The following LRRC56 variants were observed in gnomAD, a reference collection of about 807,000 sequenced individuals.
LRRC56 encodes leucine rich repeat containing 56.
In LRRC56, 41 loss-of-function variants were observed where a neutral mutation model predicts 47.8. The ratio of observed to expected loss-of-function variants is 0.86; its 90% CI spans 0.67 to 1.11. The LOEUF is 1.11. LRRC56 is among the 50% of genes most tolerant of loss of function. The probability of loss-of-function intolerance (pLI) is 0.00; values close to 1 mark genes in which losing one functional copy is unlikely to be tolerated. For synonymous variants in LRRC56, 387 were observed against 311.2 expected (o/e 1.24, Z -2.56); for missense variants, 759 against 704.2 (o/e 1.08, Z -0.88).
upstream of LRRC56, among the ~76,000 whole-genome samples, chr11:535,782 G>C (rs941938778): frequency 7.2e-5 from 11 of 152,220 alleles, no homozygotes; most frequent in African/African-American, 1.4e-4. Context: ...CCGGAGCCGA[G>C]CTCGGGGTTG....
At chr11:533,641 C>CGG (rs1564789221), upstream of LRRC56, 2 of 1,613,432 alleles carry the variant, frequency 1.2e-6, no homozygotes, top group Middle Eastern at 3.3e-4. Flanking sequence ...GAGCTGGCTA[C>CGG]GGGGGCTGCA....
At chr11:518,705 T>G in the LRRC56 span, among the ~76,000 whole-genome samples, 2 of 151,932 alleles carry the variant, frequency 1.3e-5, no homozygotes, top group African/African-American at 4.8e-5. Flanking sequence ...CACCAGCAGG[T>G]GGGGCAGGAA....
upstream of LRRC56, chr11:533,819 C>T (rs767586105): frequency 3.7e-6 from 6 of 1,613,288 alleles, no homozygotes; most frequent in Non-Finnish European, 4.2e-6. Flanking sequence ...CAAACACACA[C>T]AGGAAGCCCT....
upstream of LRRC56, among the ~76,000 whole-genome samples, chr11:536,519 C>T (rs1851501240): frequency 1.3e-5 from 2 of 152,202 alleles, no homozygotes; most frequent in African/African-American, 4.8e-5. Flanking sequence ...CCTATAATCC[C>T]AGCACTTCGG....
the LRRC56 span, among the ~76,000 whole-genome samples, chr11:514,361 A>G: frequency 6.6e-6 from 1 of 151,472 alleles, no homozygotes; most frequent in Non-Finnish European, 1.5e-5. Flanking sequence ...ATCTCGGCTC[A>G]CGGCAACCTC....
At chr11:540,992 C>T in intron 4 of LRRC56, 131 bp downstream of exon 4, 1 of 798,440 alleles carries the variant, frequency 1.3e-6, no homozygotes, top group Non-Finnish European at 1.9e-6. Flanking sequence ...TGGTTGGCCT[C>T]AGCCCAGCCC....
the LRRC56 span, among the ~76,000 whole-genome samples, chr11:515,074 C>T: frequency 1.3e-5 from 2 of 152,184 alleles, no homozygotes; most frequent in African/African-American, 4.8e-5. Context: ...ATTGATTTTC[C>T]TCTTCTTACT....
intron 5 of LRRC56, among the ~76,000 whole-genome samples, chr11:543,183 A>T (rs1277570951): frequency 7.0e-6 from 1 of 142,930 alleles, no homozygotes; most frequent in African/African-American, 2.7e-5. Flanking sequence ...TACAGGGATG[A>T]GCCACCGCGC....
chr11:546,009 G>A (rs1384595788), intron 6 of LRRC56, among the ~76,000 whole-genome samples: 5 of 152,152 alleles, frequency 3.3e-5, no homozygotes, highest in East Asian at 1.9e-4. Flanking sequence ...GGTGTCTCAC[G>A]CCTATAATCC....
At chr11:532,013 C>T in the LRRC56 span, among the ~76,000 whole-genome samples, 697 of 152,342 alleles carry the variant, frequency 4.6e-3, 3 homozygotes, top group African/African-American at 0.013. Context: ...GCACAGTAAG[C>T]TCTCTGTCCT....
In LRRC56 at chr11:552,231, C is replaced by T. The variant is rs778415386; in HGVS notation, c.1180C>T (p.Arg394Cys). Residue 394 changes from arginine (R) to cysteine (C), a missense_variant and splice_region_variant, in exon 12 of 14, where the codon CGC becomes TGC. By Grantham distance (180) the Arg-to-Cys change is radical. Transcript: ENST00000270115. ...GLRAWREHGV[R>C]PLPYRHPESQ... ...CAGGGCCTGGAGGGAACATGGCGTG[C>T]GGTGGGTGTCCCTCCAGCTCTTCCA... The T allele has an allele frequency of 6.2e-6, 10 of 1,607,668 alleles. No homozygotes were observed. Among genetic ancestry groups the T allele is most frequent in the Middle Eastern group, 1.7e-4 (1 of 6,036 alleles).
At chr11:511,517 G>T in the LRRC56 span, among the ~76,000 whole-genome samples, 1 of 152,130 alleles carries the variant, frequency 6.6e-6, no homozygotes, top group Admixed American at 6.6e-5. Flanking sequence ...TCTGATTCAC[G>T]GGCTAAGCTC....
At chr11:550,867 TC>T (rs1852347169) in intron 8 of LRRC56, among the ~76,000 whole-genome samples, 1 of 152,088 alleles carries the variant, frequency 6.6e-6, no homozygotes, top group Non-Finnish European at 1.5e-5. Flanking sequence ...TGAGGGCAGT[TC>T]CATGGGCCAG....
chr11:536,082 G>A (rs1467597273), upstream of LRRC56, among the ~76,000 whole-genome samples: 1 of 152,224 alleles, frequency 6.6e-6, no homozygotes, highest in Non-Finnish European at 1.5e-5. Flanking sequence ...AGGTGGAGCG[G>A]CCGCGCACCC....
chr11:551,103 C>T (rs747791937), intron 8 of LRRC56, 28 bp from the exon 9 acceptor site: 11 of 1,307,386 alleles, frequency 8.4e-6, no homozygotes, highest in Admixed American at 5.3e-5. Flanking sequence ...CAGACCTGCC[C>T]TCCCTCCCCC....
At chr11:522,456 C>T in the LRRC56 span, among the ~76,000 whole-genome samples, 17 of 152,100 alleles carry the variant, frequency 1.1e-4, no homozygotes, top group African/African-American at 3.4e-4. Context: ...TTAGTTGAGA[C>T]GGGGTTTCAC....
chr11:513,165 G>T, the LRRC56 span, among the ~76,000 whole-genome samples: 1 of 152,238 alleles, frequency 6.6e-6, no homozygotes, highest in Non-Finnish European at 1.5e-5. Flanking sequence ...TTTCGAGACA[G>T]TCTCGCTCTG....
rs563291274 is a variant in LRRC56, at chr11:554,681, C to T, written c.*405C>T. 12 of 425,498 alleles carry T rather than the reference C, an allele frequency of 2.8e-5. No homozygotes were observed. The highest frequency in any genetic ancestry group is 8.5e-5 in the East Asian group (2 of 23,436). The allele number at this position is 425,498 out of a possible 1,614,324, so 26.4% of individuals were successfully genotyped here. On this transcript the variant is annotated 3_prime_UTR_variant, in exon 14 of 14. Transcript: ENST00000270115. ...GCCGGCCCCAGGGTAAGAGCCACCT[C>T]CTAGGCCGCAGTGGCCCAAGGTCCC...
intron 6 of LRRC56, among the ~76,000 whole-genome samples, chr11:549,656 C>A (rs968500076): frequency 1.2e-4 from 19 of 152,226 alleles, no homozygotes; most frequent in Non-Finnish European, 8.8e-5. Flanking sequence ...GAGGGCAGCG[C>A]CTTGGGCACA....
Sources: allele counts gnomAD v4.1 joint callset (sites outside exome capture counted in the v4.1 genomes callset), GRCh38; gene constraint gnomAD v4.1.1; transcripts MANE v1.5; gene names NCBI Gene and HGNC (gene_info 2026-07-23, HGNC 2026-07-21).